VSTM2B: variants seen among roughly 807,000 people sequenced by gnomAD.
VSTM2B encodes V-set and transmembrane domain containing 2B.
In VSTM2B, 24 loss-of-function variants were observed where a neutral mutation model predicts 24.0. The observed-to-expected ratio is 1.00, with a 90% CI of 0.72 to 1.40. The LOEUF is 1.40. Among genes scored for constraint, VSTM2B ranks in the 40% most tolerant of loss-of-function variants. The probability of loss-of-function intolerance (pLI) is 0.00; values close to 1 mark genes in which losing one functional copy is unlikely to be tolerated. For missense variants in VSTM2B, 399 were observed against 416.4 expected, an observed-to-expected ratio of 0.96 and a Z score of 0.36; for synonymous variants, 226 against 194.4, an observed-to-expected ratio of 1.16 and a Z score of -1.35.
chr19:29,557,713 A>G (rs970685579), intron 4 of VSTM2B, among the ~76,000 whole-genome samples: 2 of 151,488 alleles, frequency 1.3e-5, no homozygotes, highest in East Asian at 1.9e-4. Flanking sequence ...AAAAAAAAAA[A>G]GACTTAAATG....
At chr19:29,560,394 C>T (rs11879741) in intron 4 of VSTM2B, among the ~76,000 whole-genome samples, 2 of 152,092 alleles carry the variant, frequency 1.3e-5, no homozygotes, top group African/African-American at 2.4e-5. Context: ...TGTTGCCCCG[C>T]GTCACATAGC....
At chr19:29,535,115 G>C (rs1440642613) in intron 4 of VSTM2B, among the ~76,000 whole-genome samples, 2 of 152,214 alleles carry the variant, frequency 1.3e-5, no homozygotes, top group African/African-American at 4.8e-5. Flanking sequence ...GACTGCATTA[G>C]CAGAGCAGAG....
intron 4 of VSTM2B, among the ~76,000 whole-genome samples, chr19:29,553,907 A>G (rs762873875): frequency 2.6e-5 from 4 of 152,238 alleles, no homozygotes; most frequent in African/African-American, 9.6e-5. Flanking sequence ...AAAACCTCCA[A>G]GAACTATGGG....
chr19:29,549,004 G>A (rs1372785334), intron 4 of VSTM2B, among the ~76,000 whole-genome samples: 1 of 152,226 alleles, frequency 6.6e-6, no homozygotes. Flanking sequence ...CTGCTGGGAA[G>A]AGCAGCCGGC....
intron 4 of VSTM2B, among the ~76,000 whole-genome samples, chr19:29,537,028 A>G (rs1275710545): frequency 6.6e-6 from 1 of 152,168 alleles, no homozygotes; most frequent in East Asian, 1.9e-4. Context: ...TATCTTTTTT[A>G]TTCCCCCATG....
intron 4 of VSTM2B, among the ~76,000 whole-genome samples, chr19:29,554,093 G>C (rs940697541): frequency 1.3e-5 from 2 of 152,086 alleles, no homozygotes; most frequent in Non-Finnish European, 2.9e-5. Context: ...GATACTCCAT[G>C]AGAAGATCAA....
At chr19:29,561,916 G>T (rs1970536978) in intron 4 of VSTM2B, among the ~76,000 whole-genome samples, 1 of 152,214 alleles carries the variant, frequency 6.6e-6, no homozygotes, top group Admixed American at 6.5e-5. Context: ...GGGCCCAGAG[G>T]CAGAGCACCA....
rs937856239 is a variant in VSTM2B at position 29,549,957 on chromosome 19, G to C, written c.770-13889G>C. ...AGACAGCCATCCCCATGGCTAAATG[G>C]ATGTTCAAGTCCAGCCCATTAAGGC... On this transcript the variant is annotated intron_variant, in intron 4 of 4. Transcript: ENST00000335523. Among the ~76,000 whole-genome samples the C allele has an allele frequency of 1.4e-4, 22 of 152,364 alleles. No homozygotes were observed. In the East Asian group the frequency reaches 1.5e-3, roughly 11 times the overall value.
chr19:29,531,884 A>G (rs1180809408), intron 4 of VSTM2B, among the ~76,000 whole-genome samples: 1 of 152,232 alleles, frequency 6.6e-6, no homozygotes, highest in East Asian at 1.9e-4. Context: ...GCTCTGTTCC[A>G]TGCAGTCATC....
intron 4 of VSTM2B, among the ~76,000 whole-genome samples, chr19:29,546,676 A>T (rs57536232): frequency 9.2e-6 from 1 of 108,390 alleles, no homozygotes. Context: ...GGGAGCCCCC[A>T]CCCCCACCCC....
chr19:29,555,197 T>C (rs1192668982), intron 4 of VSTM2B, among the ~76,000 whole-genome samples: 1 of 152,036 alleles, frequency 6.6e-6, no homozygotes, highest in African/African-American at 2.4e-5. Context: ...AGAACTGAGA[T>C]CATAACATTC....
intron 4 of VSTM2B, among the ~76,000 whole-genome samples, chr19:29,556,831 T>A (rs1346838010): frequency 6.6e-6 from 1 of 152,110 alleles, no homozygotes; most frequent in Admixed American, 6.5e-5. Context: ...ACAAGAGAAG[T>A]GAAGGATCTC....
At chr19:29,554,591 C>T (rs1272956655) in intron 4 of VSTM2B, among the ~76,000 whole-genome samples, 2 of 152,068 alleles carry the variant, frequency 1.3e-5, no homozygotes, top group African/African-American at 2.4e-5. Context: ...AATGTAAAAG[C>T]TCTAAATGCC....
intron 4 of VSTM2B, among the ~76,000 whole-genome samples, chr19:29,537,425 G>C (rs1159640454): frequency 6.6e-6 from 1 of 152,122 alleles, no homozygotes; most frequent in South Asian, 2.1e-4. Context: ...GCATAGCCCA[G>C]GCCCCTTCTC....
rs377275266 is a variant in VSTM2B, at chr19:29,528,674, T to C, written c.297+212T>C. On this transcript the variant is annotated intron_variant, in intron 3 of 4. Coordinates refer to ENST00000335523, the MANE Select transcript of VSTM2B (RefSeq NM_001146339.2). ...GGTTCTCTTTTGTGTAAATCAAGGG[T>C]CCAAGGCTTGAGTCCCCTAATTCGG... Among the ~76,000 whole-genome samples, 5 of 152,168 alleles carry C rather than the reference T, an allele frequency of 3.3e-5. No individual in the cohort carries two copies. The East Asian group carries it at 7.7e-4, about 24-fold the overall frequency.
chr19:29,560,192 C>T (rs77320862), intron 4 of VSTM2B, among the ~76,000 whole-genome samples: 3 of 152,142 alleles, frequency 2.0e-5, no homozygotes, highest in African/African-American at 7.2e-5. Context: ...AAAAGCAAGT[C>T]ATGTGACCAA....
At chr19:29,534,336 C>A (rs1048522578) in intron 4 of VSTM2B, among the ~76,000 whole-genome samples, 2 of 152,256 alleles carry the variant, frequency 1.3e-5, no homozygotes, top group African/African-American at 4.8e-5. Flanking sequence ...AAGGCAGGGG[C>A]ACCCAGGTGG....
rs183722484 is a variant in VSTM2B at position 29,550,088 on chromosome 19, C to T, written c.770-13758C>T. Reference sequence around the variant, plus strand: ...GAGCTGAGGGGCCCCTATCCAGGACCCTCAGCTTGGCTCTCTAACCTTTCT... The same window carrying T: ...GAGCTGAGGGGCCCCTATCCAGGACTCTCAGCTTGGCTCTCTAACCTTTCT... On this transcript the variant is annotated intron_variant, in intron 4 of 4. Coordinates refer to ENST00000335523, the MANE Select transcript of VSTM2B (RefSeq NM_001146339.2). Among the ~76,000 whole-genome samples, 150 of 152,300 alleles carry T rather than the reference C, an allele frequency of 9.8e-4. No individual in the cohort carries two copies. In the Middle Eastern group the frequency reaches 0.014, roughly 14 times the overall value.
chr19:29,563,161 T>C (rs1345896809), intron 4 of VSTM2B, among the ~76,000 whole-genome samples: 2 of 151,864 alleles, frequency 1.3e-5, no homozygotes, highest in Non-Finnish European at 2.9e-5. Context: ...TGGGATCGTG[T>C]AGCCTTCATG....
Sources: gnomAD v4.1 joint callset for allele counts (sites outside exome capture counted in the v4.1 genomes callset) on GRCh38, gnomAD v4.1.1 for gene constraint, MANE v1.5 for transcripts, NCBI Gene and HGNC (gene_info 2026-07-23, HGNC 2026-07-21) for gene names.